KLF12: variants seen among roughly 807,000 people sequenced by gnomAD.
The protein encoded by KLF12 is KLF transcription factor 12, also known as Krueppel-like factor 12.
A neutral mutation model predicts 37.8 loss-of-function variants in KLF12; 9 were observed. The observed-to-expected ratio is 0.24, with a 90% CI of 0.14 to 0.42. The LOEUF (loss-of-function observed/expected upper bound fraction) is 0.42, where lower values mean the gene tolerates loss of function less well. Ranked by LOEUF, KLF12 falls within the 10% of genes least tolerant of loss-of-function variation. The pLI is 1.00. For missense variants in KLF12, 411 were observed against 516.0 expected (o/e 0.80, Z 1.97); for synonymous variants, 208 against 202.1 (o/e 1.03, Z -0.25).
chr13:74,220,486 G>A, the KLF12 span, among the ~76,000 whole-genome samples: 2 of 152,192 alleles, frequency 1.3e-5, no homozygotes, highest in African/African-American at 4.8e-5. Context: ...GTGAAATCAA[G>A]TTACTTGACA....
intron 2 of KLF12, among the ~76,000 whole-genome samples, chr13:73,963,284 T>TACACACACACAC (rs10543490): frequency 1.4e-4 from 21 of 145,270 alleles, no homozygotes; most frequent in African/African-American, 5.3e-4. Flanking sequence ...GAGTCATTTA[T>TACACACACACAC]ACACACACAC....
intron 7 of KLF12, among the ~76,000 whole-genome samples, chr13:73,700,991 T>A (rs1874514509): frequency 6.6e-6 from 1 of 152,216 alleles, no homozygotes; most frequent in Non-Finnish European, 1.5e-5. Context: ...TCCAGTAGTA[T>A]GTGTAAATGA....
At chr13:74,257,236 A>G in the KLF12 span, 1 of 152,426 alleles carries the variant, frequency 6.6e-6, no homozygotes, top group East Asian at 1.9e-4. Flanking sequence ...AATCTGAGAT[A>G]TAGAAGAGAC....
At chr13:74,290,177 A>G in the KLF12 span, among the ~76,000 whole-genome samples, 2 of 152,304 alleles carry the variant, frequency 1.3e-5, no homozygotes, top group South Asian at 2.1e-4. Context: ...CAAATGGCCA[A>G]TTGGAGGGAT....
intron 6 of KLF12, among the ~76,000 whole-genome samples, chr13:73,721,428 C>T (rs7992083): frequency 0.63 from 96,211 of 152,080 alleles, 30,908 homozygotes; most frequent in East Asian, 0.73. Context: ...TAGCCTGCAA[C>T]GATAAGACAT....
At chr13:74,138,855 C>T (rs140406932), upstream of KLF12, among the ~76,000 whole-genome samples, 8 of 152,316 alleles carry the variant, frequency 5.3e-5, no homozygotes, top group Admixed American at 3.3e-4. Context: ...AAAGGCCCCA[C>T]TTCCATATTC....
rs576832771 is a variant in KLF12 at position 73,784,489 on chromosome 13, G to A, written c.807-19489C>T. Among the ~76,000 whole-genome samples, 386 of 127,636 alleles carry A rather than the reference G, an allele frequency of 3.0e-3. 2 individuals are homozygous for A. The highest frequency in any genetic ancestry group is 0.011 in the African/African-American group (372 of 34,360). 83.7% of individuals were successfully genotyped at this position (127,636 alleles called of 152,430 possible). ...TCTAATACTGATTTTAATCCAGTGC[G>A]AACTTACTTCAGTAACGAGCCTTGC... On this transcript the variant is annotated intron_variant, in intron 5 of 7. Coordinates refer to ENST00000377669, the MANE Select transcript of KLF12 (RefSeq NM_007249.5).
At chr13:73,915,689 A>ATTTTTTT (rs140697314) in intron 3 of KLF12, among the ~76,000 whole-genome samples, 1 of 99,142 alleles carries the variant, frequency 1.0e-5, no homozygotes, top group Non-Finnish European at 2.0e-5. Flanking sequence ...ATTTTTTTGT[A>ATTTTTTT]TTTTTTTTTT....
chr13:74,196,322 C>T, the KLF12 span, among the ~76,000 whole-genome samples: 4 of 152,142 alleles, frequency 2.6e-5, no homozygotes, highest in African/African-American at 9.7e-5. Context: ...GGAGCACCAG[C>T]AGGAGATCAG....
intron 3 of KLF12, among the ~76,000 whole-genome samples, chr13:73,915,682 T>A (rs1888789378): frequency 7.3e-6 from 1 of 137,634 alleles, no homozygotes; most frequent in Admixed American, 8.1e-5. Context: ...CCAGCTAATT[T>A]TTTTGTATTT....
At chr13:74,206,644 G>A in the KLF12 span, among the ~76,000 whole-genome samples, 1 of 152,198 alleles carries the variant, frequency 6.6e-6, no homozygotes, top group Non-Finnish European at 1.5e-5. Flanking sequence ...AATAAAAAGT[G>A]TTGGTTCTAG....
the KLF12 span, among the ~76,000 whole-genome samples, chr13:74,241,963 C>A: frequency 6.6e-6 from 1 of 152,142 alleles, no homozygotes; most frequent in Non-Finnish European, 1.5e-5. Context: ...CATCTTGGCT[C>A]CTCCCCCCAG....
In KLF12 at chr13:73,878,638, G is replaced by T. The variant is rs1372767785; in HGVS notation, c.124-32265C>A. Among the ~76,000 whole-genome samples the T allele has an allele frequency of 2.6e-5, 4 of 152,164 alleles. 1 individual carries two copies. Among genetic ancestry groups the T allele is most frequent in the African/African-American group, 9.7e-5 (4 of 41,438 alleles). On this transcript the variant is annotated intron_variant, in intron 3 of 7. Transcript: ENST00000377669. ...ATAAGATATAATTTCCTAAAAAAGA[G>T]ATTTTTCTAACAAGAAAAGGCAGGG...
chr13:73,947,090 G>T (rs1890459077), intron 2 of KLF12, among the ~76,000 whole-genome samples: 1 of 152,194 alleles, frequency 6.6e-6, no homozygotes, highest in Non-Finnish European at 1.5e-5. Flanking sequence ...CACATTTGCT[G>T]TGGAATCAAT....
At chr13:74,014,727 G>T (rs1892644620) in intron 1 of KLF12, among the ~76,000 whole-genome samples, 1 of 152,100 alleles carries the variant, frequency 6.6e-6, no homozygotes, top group South Asian at 2.1e-4. Flanking sequence ...ATTTTCTGCA[G>T]GCCCAAAAGT....
chr13:74,271,854 C>T, the KLF12 span, among the ~76,000 whole-genome samples: 2 of 152,092 alleles, frequency 1.3e-5, no homozygotes, highest in African/African-American at 4.8e-5. Flanking sequence ...GGCTCTTTGC[C>T]CCATGGGTAT....
In KLF12 at chr13:73,691,068, C is replaced by T. The variant is rs771505956; in HGVS notation, c.*4422G>A. 10 of 152,518 alleles carry T rather than the reference C, an allele frequency of 6.6e-5. No homozygotes were observed. Among genetic ancestry groups the T allele is most frequent in the Admixed American group, 2.6e-4 (4 of 15,280 alleles). 9.4% of individuals were successfully genotyped at this position (152,518 alleles called of 1,614,324 possible). A position where few individuals can be genotyped will look rare whatever the true frequency, so the allele number is the denominator to read the frequency against. ...CAGAGTCATATATAGTATTATAAGC[C>T]GGTTTCCTAATAAGGTAAGTAACTC... On this transcript the variant is annotated 3_prime_UTR_variant, in exon 8 of 8. Coordinates refer to ENST00000377669, the MANE Select transcript of KLF12 (RefSeq NM_007249.5).
At chr13:74,122,921 T>C (rs1466208223) in intron 1 of KLF12, among the ~76,000 whole-genome samples, 2 of 107,008 alleles carry the variant, frequency 1.9e-5, no homozygotes, top group Non-Finnish European at 3.8e-5. Flanking sequence ...TAGTTTTGGC[T>C]AGAAGAAAAA....
At chr13:74,058,301 T>G (rs1593864334) in intron 1 of KLF12, among the ~76,000 whole-genome samples, 2 of 151,112 alleles carry the variant, frequency 1.3e-5, no homozygotes, top group African/African-American at 4.9e-5. Flanking sequence ...CTCAGAACCT[T>G]AGTTTCCTCA....
Sources: gnomAD v4.1 joint callset for allele counts (sites outside exome capture counted in the v4.1 genomes callset) on GRCh38, gnomAD v4.1.1 for gene constraint, MANE v1.5 for transcripts, NCBI Gene and HGNC (gene_info 2026-07-23, HGNC 2026-07-21) for gene names.